Variants in TSNARE1 observed in about 807,000 individuals in gnomAD.
The protein encoded by TSNARE1 is t-SNARE domain-containing protein 1.
A neutral mutation model predicts 62.0 loss-of-function variants in TSNARE1; 49 were observed. The ratio of observed to expected loss-of-function variants is 0.79; its 90% CI spans 0.63 to 1.00. The LOEUF is 1.00. Ranked by LOEUF, TSNARE1 falls within the 50% of genes least tolerant of loss-of-function variation. TSNARE1 has a pLI of 0.00. For synonymous variants in TSNARE1, 328 were observed against 294.4 expected (o/e 1.11, Z -1.17); for missense variants, 755 against 700.1 (o/e 1.08, Z -0.88).
At position 142,234,062 on chromosome 8, in the gene TSNARE1, A is replaced by G. The variant is rs568101214; in HGVS notation, c.1447-4483T>C. Among the ~76,000 whole-genome samples, 5 of 152,344 alleles carry G rather than the reference A, an allele frequency of 3.3e-5. No individual in the cohort carries two copies. In the South Asian group the frequency reaches 1.0e-3, roughly 32 times the overall value. On this transcript the variant is annotated intron_variant, in intron 12 of 13. Transcript: ENST00000524325. ...CATGGTAACCAAGAAGAGAGAGGAG[A>G]AAACAAGTGACCCCAATCATGGAGG...
At chr8:142,228,642 G>T (rs1045413844) in intron 13 of TSNARE1, among the ~76,000 whole-genome samples, 3 of 152,224 alleles carry the variant, frequency 2.0e-5, no homozygotes, top group African/African-American at 7.2e-5. Flanking sequence ...GGGTGGCCTT[G>T]CCCCAGTGGC....
chr8:142,273,347 T>C (rs1273179905), intron 12 of TSNARE1: 2 of 985,362 alleles, frequency 2.0e-6, no homozygotes, highest in Non-Finnish European at 2.4e-6. Context: ...TGGCCCTGAG[T>C]TTCCAGCGAG....
chr8:142,234,595 C>T (rs939105334), intron 12 of TSNARE1, among the ~76,000 whole-genome samples: 3 of 152,212 alleles, frequency 2.0e-5, no homozygotes, highest in Non-Finnish European at 2.9e-5. Flanking sequence ...GTAGATGTTG[C>T]CCAGAGGGCA....
intron 1 of TSNARE1, among the ~76,000 whole-genome samples, chr8:142,386,881 C>G (rs948423302): frequency 7.9e-5 from 12 of 152,214 alleles, no homozygotes; most frequent in African/African-American, 2.9e-4. Flanking sequence ...ATTCACTCCT[C>G]TCAGTCCACA....
intron 1 of TSNARE1, among the ~76,000 whole-genome samples, chr8:142,355,017 C>A (rs186090127): frequency 1.0e-3 from 154 of 152,248 alleles, no homozygotes; most frequent in Non-Finnish European, 2.0e-3. Context: ...GGTGTGCCCC[C>A]TCCCCTCCCA....
chr8:142,313,276 G>A (rs937658551), intron 9 of TSNARE1, among the ~76,000 whole-genome samples: 1 of 151,954 alleles, frequency 6.6e-6, no homozygotes, highest in Non-Finnish European at 1.5e-5. Flanking sequence ...TGGTCTGCAT[G>A]TCTGTTTATC....
intron 4 of TSNARE1, 126 bp downstream of exon 4, chr8:142,343,840 G>GGGAGGAAGA: frequency 1.4e-6 from 1 of 730,176 alleles, no homozygotes; most frequent in South Asian, 3.6e-5. Context: ...AGAGGGGAAG[G>GGGAGGAAGA]GGAGGAAGAG....
intron 9 of TSNARE1, among the ~76,000 whole-genome samples, chr8:142,302,516 C>T (rs187654575): frequency 2.6e-5 from 4 of 152,278 alleles, no homozygotes; most frequent in Admixed American, 6.5e-5. Context: ...CAGCTCACAC[C>T]ATAGCCAGGG....
intron 12 of TSNARE1, among the ~76,000 whole-genome samples, chr8:142,265,391 T>C (rs1430430544): frequency 6.6e-6 from 1 of 152,178 alleles, no homozygotes; most frequent in Non-Finnish European, 1.5e-5. Flanking sequence ...TTAAGCACAA[T>C]GCCTTAAGAA....
chr8:142,262,731 C>T (rs368049839), intron 12 of TSNARE1, among the ~76,000 whole-genome samples: 2 of 151,794 alleles, frequency 1.3e-5, no homozygotes, highest in South Asian at 2.1e-4. Flanking sequence ...ACTTCCCCTT[C>T]GCCTTCCACC....
intron 1 of TSNARE1, among the ~76,000 whole-genome samples, chr8:142,392,625 CACGT>C (rs1837610466): frequency 6.6e-6 from 1 of 152,186 alleles, no homozygotes; most frequent in African/African-American, 2.4e-5. Flanking sequence ...CCTTATGCTT[CACGT>C]GACTGTGTGA....
intron 9 of TSNARE1, 77 bp downstream of exon 9, chr8:142,314,298 CCCCGCCCTT>C: frequency 7.5e-7 from 1 of 1,336,450 alleles, no homozygotes; most frequent in African/African-American, 1.4e-5. Context: ...CCTTGGCCCT[CCCCGCCCTT>C]CCATGGAGCA....
intron 12 of TSNARE1, chr8:142,274,443 G>A (rs915172714): frequency 1.7e-5 from 17 of 985,514 alleles, no homozygotes; most frequent in Non-Finnish European, 2.0e-5. Context: ...TGGACACTGA[G>A]CTGCATGTCA....
rs142833141 is a variant in TSNARE1, at chr8:142,318,541, T to C, written c.984+3A>G. 1.2e-5 allele frequency: 20 copies of C among 1,612,002 alleles called. No individual in the cohort carries two copies. Among genetic ancestry groups the C allele is most frequent in the East Asian group, 6.7e-5 (3 of 44,806 alleles). ...CTCCCAGCCCCAGACCCCAGGAACA[T>C]ACCGGGCAGGAGCTGCGCAGCAGCT... On this transcript the variant is annotated splice_donor_region_variant and intron_variant, in intron 7 of 13. Coordinates refer to ENST00000524325, the MANE Select transcript of TSNARE1 (RefSeq NM_145003.5).
At chr8:142,303,029 C>G (rs180930539) in intron 9 of TSNARE1, among the ~76,000 whole-genome samples, 1 of 152,144 alleles carries the variant, frequency 6.6e-6, no homozygotes, top group South Asian at 2.1e-4. Flanking sequence ...ATGCCCCTCC[C>G]GTGTGTGTGG....
intron 11 of TSNARE1, among the ~76,000 whole-genome samples, chr8:142,282,844 G>A (rs1262610532): frequency 7.2e-6 from 1 of 138,790 alleles, no homozygotes; most frequent in Non-Finnish European, 1.5e-5. Context: ...GTGGAGGTGG[G>A]GCCAGTGTCT....
intron 10 of TSNARE1, among the ~76,000 whole-genome samples, chr8:142,293,867 C>T (rs747148012): frequency 3.9e-5 from 6 of 152,232 alleles, no homozygotes; most frequent in Non-Finnish European, 5.9e-5. Flanking sequence ...AGTGGGGCTG[C>T]AGTGGGGGCG....
chr8:142,260,148 G>A (rs1818784465), intron 12 of TSNARE1, among the ~76,000 whole-genome samples: 1 of 151,984 alleles, frequency 6.6e-6, no homozygotes, highest in African/African-American at 2.4e-5. Context: ...CCACAGCCCC[G>A]AACCCAGAGC....
chr8:142,337,660 C>T (rs1044356647), intron 4 of TSNARE1, among the ~76,000 whole-genome samples: 1 of 152,226 alleles, frequency 6.6e-6, no homozygotes, highest in Non-Finnish European at 1.5e-5. Context: ...TCCACGGTTA[C>T]GAGGCAGGGG....
Sources: allele counts gnomAD v4.1 joint callset (sites outside exome capture counted in the v4.1 genomes callset), GRCh38; gene constraint gnomAD v4.1.1; transcripts MANE v1.5; gene names NCBI Gene and HGNC (gene_info 2026-07-23, HGNC 2026-07-21).